Variants in RARB observed in about 807,000 individuals in gnomAD.
RARB encodes the protein retinoic acid receptor beta.
Under a neutral mutation model 51.9 loss-of-function variants are expected in RARB, and 17 were observed. The ratio of observed to expected loss-of-function variants is 0.33; its 90% CI spans 0.22 to 0.49. The LOEUF is 0.49. RARB is among the 20% of genes least tolerant of loss of function. The pLI is 0.99. For synonymous variants in RARB, 215 were observed against 195.4 expected (o/e 1.10, Z -0.84); for missense variants, 369 against 550.8 (o/e 0.67, Z 3.30).
intron 5 of RARB, among the ~76,000 whole-genome samples, chr3:25,202,141 C>A (rs944808642): frequency 2.6e-5 from 4 of 152,168 alleles, no homozygotes; most frequent in African/African-American, 9.7e-5. Flanking sequence ...AGAGATTCAA[C>A]TTCTTCCTGA....
At chr3:25,546,394 C>G (rs1699618130) in intron 3 of RARB, among the ~76,000 whole-genome samples, 2 of 152,072 alleles carry the variant, frequency 1.3e-5, no homozygotes, top group Non-Finnish European at 2.9e-5. Flanking sequence ...TGTGAGGAGG[C>G]TACAGAAGCT....
chr3:25,463,304 G>A (rs1695276131), intron 2 of RARB, among the ~76,000 whole-genome samples: 1 of 152,160 alleles, frequency 6.6e-6, no homozygotes, highest in African/African-American at 2.4e-5. Flanking sequence ...ACACAAAGTG[G>A]TTGGGGACCC....
intron 1 of RARB, among the ~76,000 whole-genome samples, chr3:24,831,401 G>A (rs1702279756): frequency 6.6e-6 from 1 of 152,222 alleles, no homozygotes; most frequent in South Asian, 2.1e-4. Flanking sequence ...CTTCTCATTT[G>A]CAGACAAAAG....
chr3:25,048,642 T>C (rs1330756369), intron 2 of RARB, among the ~76,000 whole-genome samples: 3 of 152,216 alleles, frequency 2.0e-5, no homozygotes, highest in African/African-American at 4.8e-5. Flanking sequence ...AAGCACTTAA[T>C]TTCAGATTTC....
At position 25,594,690 on chromosome 3, in the gene RARB, T is replaced by A; in HGVS notation, c.1150+12T>A. On this transcript the variant is annotated intron_variant, in intron 7 of 7. Transcript: ENST00000330688. ...CATCAGTGCTAAAGGTATGTCTTCG[T>A]GCTCTCAGTACTGTAGTCACACAGT... The A allele has an allele frequency of 6.2e-7, 1 of 1,605,506 alleles. No homozygotes were observed. The highest frequency in any genetic ancestry group is 1.3e-5 in the African/African-American group (1 of 74,344).
At chr3:25,411,048 T>C (rs1462269565) in intron 5 of RARB, among the ~76,000 whole-genome samples, 1 of 152,264 alleles carries the variant, frequency 6.6e-6, no homozygotes, top group African/African-American at 2.4e-5. Context: ...GTGTCCCTTA[T>C]ACAGTAAATA....
At chr3:24,934,559 A>G (rs1695510212) in intron 2 of RARB, among the ~76,000 whole-genome samples, 1 of 152,116 alleles carries the variant, frequency 6.6e-6, no homozygotes, top group Non-Finnish European at 1.5e-5. Flanking sequence ...GTTGATAGAA[A>G]TGTCTGTCCT....
intron 5 of RARB, among the ~76,000 whole-genome samples, chr3:25,280,220 G>C (rs73154948): frequency 0.015 from 2,210 of 152,200 alleles, 49 homozygotes; most frequent in African/African-American, 0.05. Flanking sequence ...AATAAACTGG[G>C]GGGAACTTAG....
intron 2 of RARB, among the ~76,000 whole-genome samples, chr3:25,032,654 C>T (rs1200415112): frequency 6.6e-6 from 1 of 152,186 alleles, no homozygotes; most frequent in Non-Finnish European, 1.5e-5. Context: ...GTGTGAGACA[C>T]AGTCACTTTT....
intron 2 of RARB, among the ~76,000 whole-genome samples, chr3:24,977,765 C>A (rs966367154): frequency 2.0e-5 from 3 of 152,282 alleles, no homozygotes. Context: ...TGCCTGATTG[C>A]CCTGGCCAGG....
At chr3:25,152,663 A>G (rs1414529516) in intron 4 of RARB, among the ~76,000 whole-genome samples, 1 of 152,216 alleles carries the variant, frequency 6.6e-6, no homozygotes, top group Non-Finnish European at 1.5e-5. Context: ...TAATACAACC[A>G]GCCTGGTACA....
chr3:24,829,679 T>A (rs941723600), intron 1 of RARB, among the ~76,000 whole-genome samples: 1 of 152,194 alleles, frequency 6.6e-6, no homozygotes, highest in Admixed American at 6.5e-5. Context: ...TTATTGCTAT[T>A]GTCTTAGCGC....
chr3:24,845,968 TGC>T (rs1347999090), intron 1 of RARB, among the ~76,000 whole-genome samples: 1 of 152,186 alleles, frequency 6.6e-6, no homozygotes, highest in Admixed American at 6.5e-5. Context: ...ACAATACCTC[TGC>T]GAGAGGCAGA....
At chr3:25,566,994 G>A (rs551839263) in intron 3 of RARB, among the ~76,000 whole-genome samples, 1 of 152,254 alleles carries the variant, frequency 6.6e-6, no homozygotes, top group African/African-American at 2.4e-5. Context: ...AGTGGCCCTT[G>A]CCACACAATC....
At chr3:24,926,610 C>T (rs17015468) in intron 2 of RARB, among the ~76,000 whole-genome samples, 4,451 of 151,914 alleles carry the variant, frequency 0.029, 168 homozygotes, top group East Asian at 0.097. Flanking sequence ...TGAGGCTAAT[C>T]GAGAAGCTGG....
At chr3:24,986,969 C>T (rs1285230264) in intron 2 of RARB, among the ~76,000 whole-genome samples, 3 of 110,186 alleles carry the variant, frequency 2.7e-5, no homozygotes, top group Admixed American at 1.1e-4. Context: ...TAGATTTCAA[C>T]GGTCGTCATC....
intron 5 of RARB, among the ~76,000 whole-genome samples, chr3:25,297,438 A>G (rs1389323995): frequency 1.3e-5 from 1 of 77,252 alleles, no homozygotes; most frequent in African/African-American, 6.6e-5. Flanking sequence ...TTTGACTTAC[A>G]GCTTACTTTT....
intron 5 of RARB, among the ~76,000 whole-genome samples, chr3:25,302,817 A>G (rs1211627138): frequency 6.6e-6 from 1 of 152,214 alleles, no homozygotes; most frequent in Non-Finnish European, 1.5e-5. Flanking sequence ...CTGTGCCCCC[A>G]TGGAAATCAA....
intron 2 of RARB, among the ~76,000 whole-genome samples, chr3:24,936,828 T>C (rs896682185): frequency 1.3e-5 from 2 of 152,202 alleles, no homozygotes; most frequent in Admixed American, 6.5e-5. Flanking sequence ...TTCCATGATT[T>C]ATATAGTCAG....
Sources: gnomAD v4.1 joint callset for allele counts (sites outside exome capture counted in the v4.1 genomes callset) on GRCh38, gnomAD v4.1.1 for gene constraint, MANE v1.5 for transcripts, NCBI Gene and HGNC (gene_info 2026-07-23, HGNC 2026-07-21) for gene names.